The following NAP1L1 variants were observed in gnomAD, a reference collection of about 807,000 sequenced individuals.
NAP1L1 encodes nucleosome assembly protein 1-like 1.
In NAP1L1, 9 loss-of-function variants were observed where a neutral mutation model predicts 58.9. The ratio of observed to expected loss-of-function variants is 0.15; its 90% confidence interval spans 0.09 to 0.27. NAP1L1 has a LOEUF of 0.27. Among genes scored for constraint, NAP1L1 ranks in the 10% least tolerant of loss-of-function variants. The pLI is 1.00. For synonymous variants in NAP1L1, 130 were observed against 138.3 expected, an observed-to-expected ratio of 0.94 and a Z score of 0.42; for missense variants, 302 against 458.8, an observed-to-expected ratio of 0.66 and a Z score of 3.12.
chr12:76,056,323 T>G (rs1236609078), intron 6 of NAP1L1, 162 bp from the exon 7 acceptor site: 6 of 632,006 alleles, frequency 9.5e-6, no homozygotes, highest in African/African-American at 7.4e-5. Flanking sequence ...CTTAATCCCA[T>G]CAAAATTACT....
chr12:76,067,447 G>A lies in NAP1L1; in HGVS notation c.130C>T (p.Gln44Ter). 1.2e-6 allele frequency: 2 copies of A among 1,607,438 alleles called. No individual in the cohort carries two copies. ...AGGGCTGCAAGAATCTGAGGATTTTGCATCATCTGAACAGTTAGCTGACGT... is the reference window on the plus strand; with the variant it reads ...AGGGCTGCAAGAATCTGAGGATTTTACATCATCTGAACAGTTAGCTGACGT... ...KARQLTVQMM[Q>*]NPQILAALQE... Residue 44 changes from glutamine to a stop codon, truncating the protein, a stop_gained, in exon 4 of 15, where the codon CAA (glutamine) becomes TAA (stop). Coordinates refer to ENST00000618691, the MANE Select transcript of NAP1L1 (RefSeq NM_004537.7). LOFTEE classifies it high-confidence loss of function.
intron 6 of NAP1L1, chr12:76,057,813 G>C: frequency 6.5e-7 from 1 of 1,549,398 alleles, no homozygotes; most frequent in Non-Finnish European, 8.7e-7. Context: ...AAGAAGAGGA[G>C]AAGAAAAAAC....
intron 5 of NAP1L1, 36 bp from the exon 6 acceptor site, chr12:76,059,914 C>T: frequency 2.0e-6 from 3 of 1,470,024 alleles, no homozygotes; most frequent in South Asian, 1.2e-5. Flanking sequence ...TGTATAAAAA[C>T]ACTGGCATCC....
At chr12:76,049,871 T>G in intron 12 of NAP1L1, 86 bp from the exon 13 acceptor site, 1 of 1,451,766 alleles carries the variant, frequency 6.9e-7, no homozygotes, top group Non-Finnish European at 9.6e-7. Context: ...CTGTATAAAC[T>G]AGTGTCTAAA....
chr12:76,070,360 C>T (rs993253976), intron 2 of NAP1L1, among the ~76,000 whole-genome samples: 6 of 152,100 alleles, frequency 3.9e-5, no homozygotes, highest in Admixed American at 1.3e-4. Flanking sequence ...CTCCCACGTC[C>T]GCCTTCCAAA....
intron 4 of NAP1L1, among the ~76,000 whole-genome samples, chr12:76,063,421 A>C (rs572832098): frequency 5.5e-4 from 84 of 152,364 alleles, no homozygotes; most frequent in African/African-American, 2.0e-3. Flanking sequence ...ACCCAAAGTA[A>C]AATAAATTAA....
chr12:76,077,980 CAAAAAAAA>C (rs58558132), intron 1 of NAP1L1, among the ~76,000 whole-genome samples: 3 of 65,964 alleles, frequency 4.5e-5, no homozygotes, highest in African/African-American at 1.9e-4. Context: ...GACCCTGTCT[CAAAAAAAA>C]AAAAAAAAAA....
At chr12:76,073,435 G>A (rs943975241) in intron 2 of NAP1L1, among the ~76,000 whole-genome samples, 1 of 152,052 alleles carries the variant, frequency 6.6e-6, no homozygotes, top group Non-Finnish European at 1.5e-5. Flanking sequence ...CCTGCCACAT[G>A]CCAACTTGAT....
intron 4 of NAP1L1, among the ~76,000 whole-genome samples, chr12:76,066,520 TG>T (rs1949681742): frequency 2.0e-5 from 3 of 151,942 alleles, no homozygotes; most frequent in Admixed American, 1.3e-4. Flanking sequence ...AGGGTACCAA[TG>T]GGCAACGAAA....
rs1948580360 is a variant in NAP1L1 at position 76,044,540 on chromosome 12, A to G, written c.*3889T>C. On this transcript the variant is annotated 3_prime_UTR_variant, in exon 15 of 15. Transcript: ENST00000618691. ...TTCAGACTCTTGGCTTGAGGATGAC[A>G]TGGTCGGGCCTCAATAAGCCCACTG... The G allele has an allele frequency of 6.6e-6, 1 of 152,170 alleles. No homozygotes were observed. 9.4% of individuals were successfully genotyped at this position (152,170 alleles called of 1,614,324 possible). A position where few individuals can be genotyped will look rare whatever the true frequency, so the allele number is the denominator to read the frequency against.
chr12:76,079,266 C>CTAT (rs1483038119), intron 1 of NAP1L1, among the ~76,000 whole-genome samples: 1 of 152,150 alleles, frequency 6.6e-6, no homozygotes, highest in Non-Finnish European at 1.5e-5. Context: ...TAGCTCACGT[C>CTAT]TATAGTCTCA....
At chr12:76,059,740 T>A in intron 6 of NAP1L1, 58 bp downstream of exon 6, 1 of 1,210,632 alleles carries the variant, frequency 8.3e-7, no homozygotes, top group Non-Finnish European at 1.2e-6. Context: ...CTAACATTTC[T>A]GACAAGTCCT....
At chr12:76,081,267 T>G (rs1312388175) in intron 1 of NAP1L1, among the ~76,000 whole-genome samples, 1 of 152,220 alleles carries the variant, frequency 6.6e-6, no homozygotes, top group Non-Finnish European at 1.5e-5. Context: ...ACTCCACACC[T>G]ATTTTTTTTC....
chr12:76,058,083 G>A lies in NAP1L1; in HGVS notation c.429+1715C>T. ...TGAGGTCATTCAGGAAAAACAGACAGAAGTAGATGATGACAGCATCGAAGA... is the reference window on the plus strand; with the variant it reads ...TGAGGTCATTCAGGAAAAACAGACAAAAGTAGATGATGACAGCATCGAAGA... On this transcript the variant is annotated intron_variant, in intron 6 of 14. Transcript: ENST00000618691. 6.6e-6 allele frequency: 5 copies of A among 760,680 alleles called. No individual in the cohort carries two copies. In the South Asian group the frequency reaches 6.8e-5, roughly 10 times the overall value. 47.1% of individuals were successfully genotyped at this position (760,680 alleles called of 1,614,324 possible).
chr12:76,075,478 A>C (rs906717118), intron 1 of NAP1L1, among the ~76,000 whole-genome samples: 3 of 152,196 alleles, frequency 2.0e-5, no homozygotes, highest in Non-Finnish European at 4.4e-5. Context: ...TTAAGTGCTA[A>C]TATTTGGGGG....
intron 7 of NAP1L1, 54 bp from the exon 8 acceptor site, chr12:76,055,144 T>C: frequency 7.9e-7 from 1 of 1,262,024 alleles, no homozygotes; most frequent in Admixed American, 2.0e-5. Flanking sequence ...AGGACTGTGT[T>C]CTGTTACTAC....
At chr12:76,069,705 G>A (rs191348072) in intron 2 of NAP1L1, among the ~76,000 whole-genome samples, 2 of 152,144 alleles carry the variant, frequency 1.3e-5, no homozygotes, top group African/African-American at 4.8e-5. Context: ...CAGTGGAGGT[G>A]AGAAAGAATA....
intron 4 of NAP1L1, 74 bp from the exon 5 acceptor site, chr12:76,060,353 G>A: frequency 6.8e-7 from 1 of 1,469,238 alleles, no homozygotes. Context: ...TACTGAAACT[G>A]AAGCATTGGA....
In NAP1L1 at chr12:76,068,957, C is replaced by A; in HGVS notation, c.55G>T (p.Val19Phe). 1 of 1,613,436 alleles carries A rather than the reference C, an allele frequency of 6.2e-7. No homozygotes were observed. The highest frequency in any genetic ancestry group is 8.5e-7 in the Non-Finnish European group (1 of 1,179,696). ...QSELDQDLDD[V>F]EEVEEEETGE... The stretch of plus-strand genomic sequence containing the variant: ...GTTTCCTCTTCTTCTACTTCTTCAA[C>A]ATCATCCAAATCTTGATCAAGTTCA... The change falls in exon 3 of 15, where the codon GTT (valine) becomes TTT (phenylalanine). Residue 19 changes from valine (V) to phenylalanine (F), a missense_variant. By Grantham distance (50) the Val-to-Phe change is conservative. Coordinates refer to ENST00000618691, the MANE Select transcript of NAP1L1 (RefSeq NM_004537.7).
Sources: allele counts gnomAD v4.1 joint callset (sites outside exome capture counted in the v4.1 genomes callset), GRCh38; gene constraint gnomAD v4.1.1; transcripts MANE v1.5; gene names NCBI Gene and HGNC (gene_info 2026-07-23, HGNC 2026-07-21).